Variants in GRID2 observed in about 807,000 individuals in gnomAD.
GRID2 encodes the protein glutamate ionotropic receptor delta type subunit 2.
GRID2 carries 33 observed loss-of-function variants against 114.8 expected under a neutral mutation model. That is an observed-to-expected ratio of 0.29 (90% CI 0.22 to 0.38). The LOEUF (loss-of-function observed/expected upper bound fraction) is 0.38, where lower values mean the gene tolerates loss of function less well. GRID2 is among the 10% of genes least tolerant of loss of function. GRID2 has a pLI of 1.00. For missense variants in GRID2, 1,184 were observed against 1,257.7 expected (o/e 0.94, Z 0.89); for synonymous variants, 505 against 449.9 (o/e 1.12, Z -1.55).
At chr4:92,489,609 GC>G (rs1723056537) in intron 1 of GRID2, among the ~76,000 whole-genome samples, 1 of 152,148 alleles carries the variant, frequency 6.6e-6, no homozygotes, top group South Asian at 2.1e-4. Context: ...ACTTTGGGAG[GC>G]CAAGGCGGGT....
chr4:92,941,863 A>T (rs1272694102), intron 2 of GRID2, among the ~76,000 whole-genome samples: 1 of 152,094 alleles, frequency 6.6e-6, no homozygotes, highest in African/African-American at 2.4e-5. Context: ...CTCAATTTCC[A>T]TGTAGTTGAG....
At chr4:93,581,244 T>C (rs1336633278) in intron 13 of GRID2, among the ~76,000 whole-genome samples, 1 of 151,872 alleles carries the variant, frequency 6.6e-6, no homozygotes, top group Non-Finnish European at 1.5e-5. Flanking sequence ...ATTTCCTGAG[T>C]GATAGAGGTG....
At chr4:93,683,399 C>T (rs773114113) in intron 14 of GRID2, among the ~76,000 whole-genome samples, 1 of 152,006 alleles carries the variant, frequency 6.6e-6, no homozygotes, top group East Asian at 1.9e-4. Context: ...ATAAGAAAAG[C>T]AAGTTTTAGA....
At chr4:92,995,945 CAG>C (rs961067897) in intron 2 of GRID2, among the ~76,000 whole-genome samples, 11 of 151,834 alleles carry the variant, frequency 7.2e-5, no homozygotes, top group Non-Finnish European at 1.3e-4. Flanking sequence ...TGATTTTAAA[CAG>C]TTTTTTTTTT....
chr4:93,561,279 G>T (rs1391773793), intron 13 of GRID2, among the ~76,000 whole-genome samples: 1 of 152,090 alleles, frequency 6.6e-6, no homozygotes, highest in Non-Finnish European at 1.5e-5. Context: ...AAAAGAGATT[G>T]TATGTTAGTA....
chr4:93,128,361 A>G (rs1312172850), intron 4 of GRID2, among the ~76,000 whole-genome samples: 1 of 152,194 alleles, frequency 6.6e-6, no homozygotes, highest in African/African-American at 2.4e-5. Context: ...AGAGAAAAAG[A>G]GAGAGGAAGA....
intron 1 of GRID2, among the ~76,000 whole-genome samples, chr4:92,491,688 T>G (rs929888368): frequency 3.3e-5 from 5 of 149,776 alleles, no homozygotes; most frequent in South Asian, 4.2e-4. Flanking sequence ...CCTTATTGGG[T>G]GTGTGTGTGT....
chr4:93,343,216 TATA>T (rs971893957), intron 8 of GRID2, among the ~76,000 whole-genome samples: 1 of 151,760 alleles, frequency 6.6e-6, no homozygotes, highest in African/African-American at 2.4e-5. Flanking sequence ...GAAGTTCCCT[TATA>T]ATAATTATAA....
intron 1 of GRID2, among the ~76,000 whole-genome samples, chr4:92,307,060 T>C (rs1017317517): frequency 6.6e-6 from 1 of 152,074 alleles, no homozygotes; most frequent in Non-Finnish European, 1.5e-5. Flanking sequence ...GGGTAGTATG[T>C]GTGTAATTCA....
At chr4:92,476,023 CTTTTTTT>C (rs752757998) in intron 1 of GRID2, among the ~76,000 whole-genome samples, 1 of 125,122 alleles carries the variant, frequency 8.0e-6, no homozygotes, top group Non-Finnish European at 1.7e-5. Context: ...TTCAGTGCTT[CTTTTTTT>C]TTTTTTTTTT....
At chr4:93,725,763 T>C (rs540084893) in intron 14 of GRID2, among the ~76,000 whole-genome samples, 1 of 152,260 alleles carries the variant, frequency 6.6e-6, no homozygotes, top group African/African-American at 2.4e-5. Flanking sequence ...ATGTGTCTTT[T>C]GACTGCATAA....
At chr4:92,612,051 A>G (rs1352669044) in intron 2 of GRID2, among the ~76,000 whole-genome samples, 1 of 151,524 alleles carries the variant, frequency 6.6e-6, no homozygotes, top group African/African-American at 2.4e-5. Context: ...ATCTAAGAAT[A>G]TATTCCAAGG....
chr4:93,498,339 A>G (rs905028957), intron 12 of GRID2, among the ~76,000 whole-genome samples: 2 of 151,812 alleles, frequency 1.3e-5, no homozygotes, highest in Non-Finnish European at 2.9e-5. Flanking sequence ...AAGCTTTTTT[A>G]TAAGGAACTA....
intron 14 of GRID2, among the ~76,000 whole-genome samples, chr4:93,730,567 A>G (rs568618425): frequency 5.9e-5 from 9 of 152,324 alleles, no homozygotes; most frequent in Admixed American, 1.3e-4. Context: ...GCTCCCCCCA[A>G]TCCCATTGCA....
chr4:93,342,664 C>G (rs780166739), intron 8 of GRID2, among the ~76,000 whole-genome samples: 5 of 152,026 alleles, frequency 3.3e-5, no homozygotes, highest in Non-Finnish European at 7.4e-5. Flanking sequence ...TATATAAAAC[C>G]TAGTATTAAA....
At chr4:92,433,265 A>G (rs1732557971) in intron 1 of GRID2, among the ~76,000 whole-genome samples, 1 of 152,092 alleles carries the variant, frequency 6.6e-6, no homozygotes, top group Admixed American at 6.5e-5. Flanking sequence ...GTGCCTCACT[A>G]TGTCATGTAC....
chr4:93,480,157 A>G (rs1464371747), intron 11 of GRID2, among the ~76,000 whole-genome samples: 4 of 152,112 alleles, frequency 2.6e-5, no homozygotes, highest in Non-Finnish European at 4.4e-5. Flanking sequence ...GAATACTTAA[A>G]TAAGCTATAG....
At chr4:93,037,603 A>G (rs1681516738) in intron 2 of GRID2, among the ~76,000 whole-genome samples, 1 of 152,016 alleles carries the variant, frequency 6.6e-6, no homozygotes, top group South Asian at 2.1e-4. Context: ...ATCTCTCTTG[A>G]GTTAATTTTT....
intron 1 of GRID2, among the ~76,000 whole-genome samples, chr4:92,384,491 A>T (rs80230144): frequency 3.8e-5 from 2 of 53,078 alleles, no homozygotes; most frequent in African/African-American, 1.7e-4. Context: ...ATTTATATAT[A>T]ATAAAAATAT....
Sources: gnomAD v4.1 joint callset for allele counts (sites outside exome capture counted in the v4.1 genomes callset) on GRCh38, gnomAD v4.1.1 for gene constraint, MANE v1.5 for transcripts, NCBI Gene and HGNC (gene_info 2026-07-23, HGNC 2026-07-21) for gene names.